Variants in UHRF2 observed in about 807,000 individuals in gnomAD.
The protein encoded by UHRF2 is E3 ubiquitin-protein ligase UHRF2.
Under a neutral mutation model 96.8 loss-of-function variants are expected in UHRF2, and 23 were observed. The ratio of observed to expected loss-of-function variants is 0.24; its 90% CI spans 0.17 to 0.34. UHRF2 has a LOEUF of 0.34. UHRF2 is among the 10% of genes least tolerant of loss of function. The pLI is 1.00. For missense variants in UHRF2, 685 were observed against 981.5 expected (o/e 0.70, Z 4.04); for synonymous variants, 385 against 332.6 (o/e 1.16, Z -1.72).
intron 13 of UHRF2, among the ~76,000 whole-genome samples, chr9:6,500,216 C>T (rs1816213522): frequency 6.6e-6 from 1 of 152,186 alleles, no homozygotes; most frequent in Non-Finnish European, 1.5e-5. Flanking sequence ...GATCCTCCTG[C>T]CTCAGCCTCC....
At chr9:6,465,453 CT>C (rs1485783282) in intron 4 of UHRF2, among the ~76,000 whole-genome samples, 3 of 152,028 alleles carry the variant, frequency 2.0e-5, no homozygotes, top group African/African-American at 7.2e-5. Flanking sequence ...TGGGAAAGTT[CT>C]TTTATGGTCA....
chr9:6,449,753 G>T (rs1469029163), intron 3 of UHRF2, among the ~76,000 whole-genome samples: 3 of 152,208 alleles, frequency 2.0e-5, no homozygotes, highest in Non-Finnish European at 4.4e-5. Flanking sequence ...GCTTCTGGGA[G>T]TCTGGAATTC....
intron 4 of UHRF2, among the ~76,000 whole-genome samples, chr9:6,473,030 C>T (rs1342315811): frequency 6.6e-6 from 1 of 152,206 alleles, no homozygotes; most frequent in East Asian, 1.9e-4. Context: ...AACCTAGTTG[C>T]AGTAAGCTTT....
rs552883388 is a variant in UHRF2 at position 6,413,450 on chromosome 9, A to G, written c.-41A>G. The G allele has an allele frequency of 2.1e-6, 3 of 1,442,692 alleles. No individual in the cohort carries two copies. The highest frequency in any genetic ancestry group is 2.2e-5 in the Admixed American group (1 of 45,770). The allele number at this position is 1,442,692 out of a possible 1,614,324, so 89.4% of individuals were successfully genotyped here. ...GGGCGGGGCGCGGCGCCCAGAGCTC[A>G]GGGGGAGACAAAGGGGACCGGTTCC... On this transcript the variant is annotated 5_prime_UTR_variant, in exon 1 of 16. Transcript: ENST00000276893.
chr9:6,476,266 C>G (rs1823565991), intron 5 of UHRF2, among the ~76,000 whole-genome samples: 1 of 152,032 alleles, frequency 6.6e-6, no homozygotes, highest in South Asian at 2.1e-4. Flanking sequence ...ACCATATTGT[C>G]TTTTTATCTG....
rs1816239277 is a variant in UHRF2 at position 6,500,678 on chromosome 9, A to T, written c.2132A>T (p.Asp711Val). 5 of 1,613,462 alleles carry T rather than the reference A, an allele frequency of 3.1e-6. No individual in the cohort carries two copies. The highest frequency in any genetic ancestry group is 3.4e-6 in the Non-Finnish European group (4 of 1,179,776). ...REDCQNQKLW[D>V]EVLSHLVEGP... is the part of the protein sequence containing the mutation. ...GATTGTCAAAACCAGAAGCTGTGGG[A>T]TGAAGTGCTTTCACATCTTGTGGAA... The change falls in exon 14 of 16, where the codon GAT becomes GTT. Residue 711 changes from aspartate to valine, a missense_variant. Physicochemically the swap from Asp to Val is radical, Grantham distance 152 (BLOSUM62 -3). Around this residue, in one of 6 missense-constraint regions of UHRF2, gnomAD observed 71 missense variants for 114.1 expected, o/e 0.62. Transcript: ENST00000276893.
chr9:6,422,205 C>G (rs1486275739), intron 2 of UHRF2, among the ~76,000 whole-genome samples: 1 of 152,170 alleles, frequency 6.6e-6, no homozygotes, highest in Non-Finnish European at 1.5e-5. Flanking sequence ...GCCTCTGCCT[C>G]CTAAGTAGTG....
intron 2 of UHRF2, among the ~76,000 whole-genome samples, chr9:6,433,051 G>A (rs1803824848): frequency 6.6e-6 from 1 of 152,248 alleles, no homozygotes; most frequent in African/African-American, 2.4e-5. Flanking sequence ...ATGTTGGCCA[G>A]GCTGGTCTTG....
At chr9:6,469,759 C>T (rs938415522) in intron 4 of UHRF2, among the ~76,000 whole-genome samples, 21 of 144,172 alleles carry the variant, frequency 1.5e-4, no homozygotes, top group Admixed American at 5.5e-4. Context: ...CGTATATATA[C>T]ACACGTATAT....
At chr9:6,424,128 A>AGG (rs1820101332) in intron 2 of UHRF2, among the ~76,000 whole-genome samples, 2 of 21,590 alleles carry the variant, frequency 9.3e-5, no homozygotes, top group South Asian at 9.8e-3. Flanking sequence ...GCAGGAGAAC[A>AGG]AAATAAAGTG....
intron 3 of UHRF2, among the ~76,000 whole-genome samples, chr9:6,446,574 C>T (rs1821519144): frequency 6.6e-6 from 1 of 151,892 alleles, no homozygotes; most frequent in Non-Finnish European, 1.5e-5. Context: ...TAGATCTGGG[C>T]ACAGTGGCTT....
intron 2 of UHRF2, among the ~76,000 whole-genome samples, chr9:6,422,437 C>T (rs573690494): frequency 2.6e-5 from 4 of 152,056 alleles, no homozygotes; most frequent in Non-Finnish European, 5.9e-5. Flanking sequence ...TTCAGGGTCT[C>T]TTGGCTTTTA....
chr9:6,456,518 C>T (rs1350907446), intron 3 of UHRF2, among the ~76,000 whole-genome samples: 1 of 152,180 alleles, frequency 6.6e-6, no homozygotes, highest in Non-Finnish European at 1.5e-5. Flanking sequence ...TTTTGCTGTG[C>T]AGCAGCTCTT....
chr9:6,501,126 A>G (rs1307295526), intron 14 of UHRF2, among the ~76,000 whole-genome samples: 2 of 152,212 alleles, frequency 1.3e-5, no homozygotes, highest in Admixed American at 6.5e-5. Context: ...CAGATTATCT[A>G]TTAAGTATTT....
chr9:6,458,700 A>G (rs1822330795), intron 3 of UHRF2, among the ~76,000 whole-genome samples: 2 of 152,222 alleles, frequency 1.3e-5, no homozygotes, highest in African/African-American at 4.8e-5. Flanking sequence ...TTGACCCAGC[A>G]GTCCCATTAC....
intron 2 of UHRF2, among the ~76,000 whole-genome samples, chr9:6,429,729 C>T (rs1249665270): frequency 1.3e-5 from 2 of 152,174 alleles, no homozygotes; most frequent in Non-Finnish European, 2.9e-5. Flanking sequence ...TGGGTTGGCA[C>T]GTTACATGAA....
chr9:6,499,690 A>C, intron 12 of UHRF2, 145 bp from the exon 13 acceptor site: 1 of 485,708 alleles, frequency 2.1e-6, no homozygotes, highest in Non-Finnish European at 3.7e-6. Context: ...CTTTTCCTTT[A>C]AATGTCTGTT....
intron 4 of UHRF2, among the ~76,000 whole-genome samples, chr9:6,465,240 T>C (rs1822788656): frequency 6.6e-6 from 1 of 152,214 alleles, no homozygotes; most frequent in East Asian, 1.9e-4. Context: ...TTTGACAGTG[T>C]TTTGTGTAGG....
At chr9:6,416,225 G>T (rs901562428) in intron 1 of UHRF2, among the ~76,000 whole-genome samples, 1 of 151,982 alleles carries the variant, frequency 6.6e-6, no homozygotes, top group East Asian at 1.9e-4. Flanking sequence ...CACCACTCCC[G>T]GCAAATTTTT....
Sources: allele counts gnomAD v4.1 joint callset (sites outside exome capture counted in the v4.1 genomes callset), GRCh38; gene constraint gnomAD v4.1.1; regional missense constraint gnomAD v4.1.1; transcripts MANE v1.5; gene names NCBI Gene and HGNC (gene_info 2026-07-23, HGNC 2026-07-21).